The following SEC24B variants were observed in gnomAD, a reference collection of about 807,000 sequenced individuals.
SEC24B encodes the protein protein transport protein Sec24B.
A neutral mutation model predicts 142.8 loss-of-function variants in SEC24B; 45 were observed. The observed-to-expected ratio is 0.32, with a 90% CI of 0.25 to 0.40. The LOEUF is 0.40. Ranked by LOEUF, SEC24B falls within the 10% of genes least tolerant of loss-of-function variation. SEC24B has a pLI of 1.00. For synonymous variants in SEC24B, 574 were observed against 568.2 expected, an observed-to-expected ratio of 1.01 and a Z score of -0.15; for missense variants, 1,409 against 1,526.8, an observed-to-expected ratio of 0.92 and a Z score of 1.29.
At chr4:109,457,585 C>G (rs1730812064) in intron 1 of SEC24B, among the ~76,000 whole-genome samples, 1 of 152,096 alleles carries the variant, frequency 6.6e-6, no homozygotes, top group African/African-American at 2.4e-5. Context: ...GGCACAGCCT[C>G]TTAATACCGT....
chr4:109,440,446 T>C (rs1728833737), intron 1 of SEC24B, among the ~76,000 whole-genome samples: 1 of 152,210 alleles, frequency 6.6e-6, no homozygotes, highest in Non-Finnish European at 1.5e-5. Context: ...GAAAAGATCA[T>C]GTTATATATA....
In SEC24B at chr4:109,452,882, ATTTTATTTTTTTAGACAGATATCGGGGG is replaced by A. The variant is rs200485556; in HGVS notation, c.134-10018_134-9991del. 8.6e-5 allele frequency among the ~76,000 whole-genome samples: 13 copies of A among 151,988 alleles called. No homozygotes were observed. The East Asian group carries it at 2.3e-3, about 27-fold the overall frequency. ...CATGACTGTGTCTTATTTTTATTTT[ATTTTATTTTTTTAGACAGATATCGGGGG>A]AACCCGCCTCCAATAATTCAACGTT... On this transcript the variant is annotated intron_variant, in intron 1 of 23. Transcript: ENST00000265175.
intron 11 of SEC24B, among the ~76,000 whole-genome samples, chr4:109,518,781 G>C (rs1211485120): frequency 6.8e-6 from 1 of 146,614 alleles, no homozygotes; most frequent in Admixed American, 6.8e-5. Context: ...GCTTGTTGTT[G>C]GTTTGTTGTT....
chr4:109,448,062 C>G (rs1169206691), intron 1 of SEC24B, among the ~76,000 whole-genome samples: 1 of 152,166 alleles, frequency 6.6e-6, no homozygotes, highest in Non-Finnish European at 1.5e-5. Flanking sequence ...CTTTTCTGCT[C>G]TTAAGGATGT....
At chr4:109,457,949 T>C (rs1303157084) in intron 1 of SEC24B, among the ~76,000 whole-genome samples, 1 of 152,216 alleles carries the variant, frequency 6.6e-6, no homozygotes. Flanking sequence ...CATGTAATTT[T>C]CACAGGATTG....
chr4:109,470,642 C>T (rs1732416781), intron 2 of SEC24B, among the ~76,000 whole-genome samples: 1 of 152,122 alleles, frequency 6.6e-6, no homozygotes, highest in Non-Finnish European at 1.5e-5. Flanking sequence ...ATACCAGGGA[C>T]AAGTGCATGA....
chr4:109,433,866 C>A lies in SEC24B; in HGVS notation c.-4C>A. 1 of 1,329,176 alleles carries A rather than the reference C, an allele frequency of 7.5e-7. No homozygotes were observed. The highest frequency in any genetic ancestry group is 9.6e-7 in the Non-Finnish European group (1 of 1,037,058). 82.3% of individuals were successfully genotyped at this position (1,329,176 alleles called of 1,614,324 possible). ...GCGGAGCCGCCGTCGCCACCAGCGC[C>A]GTCATGTCGGCCCCCGCCGGGTCCT... On this transcript the variant is annotated 5_prime_UTR_variant, in exon 1 of 24. Transcript: ENST00000265175.
At chr4:109,463,875 A>G (rs1024615046) in intron 2 of SEC24B, among the ~76,000 whole-genome samples, 1 of 152,190 alleles carries the variant, frequency 6.6e-6, no homozygotes, top group East Asian at 1.9e-4. Flanking sequence ...TGATCAGTCA[A>G]CATTTATTGA....
At chr4:109,517,056 T>C in intron 11 of SEC24B, among the ~76,000 whole-genome samples, 1 of 152,188 alleles carries the variant, frequency 6.6e-6, no homozygotes, top group East Asian at 1.9e-4. Context: ...TAGAAAACAG[T>C]ATAAAGGTCC....
intron 1 of SEC24B, among the ~76,000 whole-genome samples, chr4:109,460,299 T>C (rs1441011839): frequency 6.6e-6 from 1 of 152,188 alleles, no homozygotes; most frequent in Non-Finnish European, 1.5e-5. Context: ...AGTATTTTAA[T>C]ACATTATTAT....
At chr4:109,504,285 G>C (rs1391671367) in intron 6 of SEC24B, among the ~76,000 whole-genome samples, 1 of 152,102 alleles carries the variant, frequency 6.6e-6, no homozygotes, top group African/African-American at 2.4e-5. Flanking sequence ...TCTATATTCA[G>C]ATTTTCCAGA....
chr4:109,463,453 G>C lies in SEC24B; in HGVS notation c.686G>C (p.Gly229Ala), dbSNP rs1731518711. 1 of 1,614,078 alleles carries C rather than the reference G, an allele frequency of 6.2e-7. No homozygotes were observed. The highest frequency in any genetic ancestry group is 1.6e-4 in the Middle Eastern group (1 of 6,062). The change falls in exon 2 of 24, where the codon GGT becomes GCT. Residue 229 changes from glycine to alanine, a missense_variant. Gly to Ala is a moderately conservative substitution (Grantham distance 60). Coordinates refer to ENST00000265175, the MANE Select transcript of SEC24B (RefSeq NM_006323.5). Reference sequence around the variant, plus strand: ...CCAGTTAAAGATAATTCATTCTCTGGTCAAAATACAGCTATCAGCCATCCA... The same window carrying C: ...CCAGTTAAAGATAATTCATTCTCTGCTCAAAATACAGCTATCAGCCATCCA... Reference protein sequence around the residue: ...VRPVKDNSFSGQNTAISHPSP... With the variant: ...VRPVKDNSFSAQNTAISHPSP...
At chr4:109,527,986 A>G (rs1471711740) in intron 18 of SEC24B, among the ~76,000 whole-genome samples, 2 of 152,228 alleles carry the variant, frequency 1.3e-5, no homozygotes, top group African/African-American at 4.8e-5. Context: ...TGCACAATCC[A>G]TGGTACACTC....
At chr4:109,520,740 A>C (rs552203174) in intron 12 of SEC24B, among the ~76,000 whole-genome samples, 1 of 152,150 alleles carries the variant, frequency 6.6e-6, no homozygotes, top group Non-Finnish European at 1.5e-5. Context: ...AGCCTGTAAT[A>C]CCAGCACTTT....
At chr4:109,525,620 C>T (rs1724140672) in intron 16 of SEC24B, 116 bp downstream of exon 16, 1 of 605,044 alleles carries the variant, frequency 1.7e-6, no homozygotes, top group South Asian at 4.3e-5. Context: ...ATCTCATTAG[C>T]TATACCATGT....
intron 1 of SEC24B, among the ~76,000 whole-genome samples, chr4:109,441,140 C>A (rs1160751998): frequency 6.6e-6 from 1 of 152,188 alleles, no homozygotes; most frequent in East Asian, 1.9e-4. Flanking sequence ...GTGGTAAAAT[C>A]ATGTCTTGCC....
intron 9 of SEC24B, among the ~76,000 whole-genome samples, chr4:109,512,432 C>G (rs1363437797): frequency 6.6e-6 from 1 of 152,180 alleles, no homozygotes; most frequent in East Asian, 1.9e-4. Context: ...GCCAGTGTAT[C>G]TGGATGCATG....
chr4:109,466,576 A>G (rs1731902046), intron 2 of SEC24B, among the ~76,000 whole-genome samples: 1 of 152,088 alleles, frequency 6.6e-6, no homozygotes, highest in East Asian at 1.9e-4. Context: ...ACACCTGGCT[A>G]ATTTTTTATA....
rs781132488 is a variant in SEC24B at position 109,506,477 on chromosome 4, G to T, written c.1638G>T (p.Leu546Phe). ...MTPVWAPVPNLNADLKKLNCS... is the reference protein window; with the variant it reads ...MTPVWAPVPNFNADLKKLNCS... ...CTGTTTGGGCTCCTGTACCTAACTTGAATGCAGACCTCAAAAAATTAAACT... is the reference window on the plus strand; with the variant it reads ...CTGTTTGGGCTCCTGTACCTAACTTTAATGCAGACCTCAAAAAATTAAACT... Residue 546 changes from leucine (L) to phenylalanine (F), a missense_variant, in exon 7 of 24, where the codon TTG becomes TTT. By Grantham distance (22) the Leu-to-Phe change is conservative (BLOSUM62 0). Coordinates refer to ENST00000265175, the MANE Select transcript of SEC24B (RefSeq NM_006323.5). 17 of 1,589,384 alleles carry T rather than the reference G, an allele frequency of 1.1e-5. No homozygotes were observed. The highest frequency in any genetic ancestry group is 1.5e-5 in the Non-Finnish European group (17 of 1,169,392).
Sources: gnomAD v4.1 joint callset for allele counts (sites outside exome capture counted in the v4.1 genomes callset) on GRCh38, gnomAD v4.1.1 for gene constraint, MANE v1.5 for transcripts, NCBI Gene and HGNC (gene_info 2026-07-23, HGNC 2026-07-21) for gene names.